The following ST6GAL2 variants were observed in gnomAD, a reference collection of about 807,000 sequenced individuals.
ST6GAL2 encodes beta-galactoside alpha-2,6-sialyltransferase 2.
A neutral mutation model predicts 37.5 loss-of-function variants in ST6GAL2; 24 were observed. The observed-to-expected ratio is 0.64, with a 90% CI of 0.46 to 0.90. ST6GAL2 has a LOEUF of 0.90. ST6GAL2 is among the 40% of genes least tolerant of loss of function. The probability of loss-of-function intolerance (pLI) is 0.00; values close to 1 mark genes in which losing one functional copy is unlikely to be tolerated. For missense variants in ST6GAL2, 715 were observed against 712.7 expected (o/e 1.00, Z -0.04); for synonymous variants, 306 against 295.1 (o/e 1.04, Z -0.38).
intron 1 of ST6GAL2, 134 bp downstream of exon 1, chr2:106,885,959 C>G (rs767474304): frequency 6.6e-6 from 1 of 152,504 alleles, no homozygotes; most frequent in Non-Finnish European, 1.5e-5. Context: ...CTGCTTTTCC[C>G]CAAACCACCT....
intron 1 of ST6GAL2, among the ~76,000 whole-genome samples, chr2:106,862,140 T>C (rs1430983648): frequency 6.6e-6 from 1 of 152,238 alleles, no homozygotes; most frequent in Non-Finnish European, 1.5e-5. Flanking sequence ...CGAGTGATCA[T>C]TCCGTATATG....
At chr2:106,810,012 A>T (rs1250526405) in intron 5 of ST6GAL2, among the ~76,000 whole-genome samples, 1 of 152,200 alleles carries the variant, frequency 6.6e-6, no homozygotes, top group East Asian at 1.9e-4. Flanking sequence ...ATAGGTAGCA[A>T]GACATTCTGC....
rs1381779667 is a variant in ST6GAL2 at position 106,826,495 on chromosome 2, G to A, written c.1318+3571C>T. On this transcript the variant is annotated intron_variant, in intron 5 of 5. Coordinates refer to ENST00000409382, the MANE Select transcript of ST6GAL2 (RefSeq NM_001142351.2). ...GCAGAGGTTGCAGTGAGCTGAGATC[G>A]TGCCACTGCACTCCAGCCTGAGTAA... Among the ~76,000 whole-genome samples the A allele has an allele frequency of 6.7e-5, 10 of 150,188 alleles. 1 individual carries two copies. Among genetic ancestry groups the A allele is most frequent in the African/African-American group, 2.2e-4 (9 of 40,636 alleles).
chr2:106,845,685 G>A (rs1175436893), intron 1 of ST6GAL2, among the ~76,000 whole-genome samples: 3 of 152,206 alleles, frequency 2.0e-5, no homozygotes, highest in Non-Finnish European at 4.4e-5. Context: ...GGGAAAGGAC[G>A]TGCTAAACTA....
At position 106,806,412 on chromosome 2, in the gene ST6GAL2, A is replaced by G. The variant is rs1675414836; in HGVS notation, c.*266T>C. 1 of 424,402 alleles carries G rather than the reference A, an allele frequency of 2.4e-6. No homozygotes were observed. The highest frequency in any genetic ancestry group is 4.2e-6 in the Non-Finnish European group (1 of 236,564). 26.3% of individuals were successfully genotyped at this position (424,402 alleles called of 1,614,324 possible). On this transcript the variant is annotated 3_prime_UTR_variant, in exon 6 of 6. Coordinates refer to ENST00000409382, the MANE Select transcript of ST6GAL2 (RefSeq NM_001142351.2). ...TTGTTAACATTTCTGGAGGTATCATACCCATGGTCATACATGTGTTTTCTT... is the reference window on the plus strand; with the variant it reads ...TTGTTAACATTTCTGGAGGTATCATGCCCATGGTCATACATGTGTTTTCTT...
intron 2 of ST6GAL2, among the ~76,000 whole-genome samples, chr2:106,835,688 A>G (rs975761847): frequency 9.9e-5 from 15 of 152,210 alleles, no homozygotes; most frequent in Non-Finnish European, 1.5e-5. Context: ...CATGCTGTCT[A>G]TAACTGCAGA....
At position 106,862,028 on chromosome 2, in the gene ST6GAL2, C is replaced by T. The variant is rs189434535; in HGVS notation, c.-57-17994G>A. ...TAAGGGTATCTGCAACTAATTTCCA[C>T]GCTGATTAAATGACAGTTTTGTATC... is the stretch of plus-strand genomic sequence containing the variant. On this transcript the variant is annotated intron_variant, in intron 1 of 5. Coordinates refer to ENST00000409382, the MANE Select transcript of ST6GAL2 (RefSeq NM_001142351.2). Among the ~76,000 whole-genome samples, 7 of 152,312 alleles carry T rather than the reference C, an allele frequency of 4.6e-5. No homozygotes were observed. The East Asian group carries it at 7.7e-4, about 17-fold the overall frequency.
At chr2:106,850,993 C>G (rs1005897473) in intron 1 of ST6GAL2, among the ~76,000 whole-genome samples, 1 of 152,150 alleles carries the variant, frequency 6.6e-6, no homozygotes, top group Non-Finnish European at 1.5e-5. Context: ...GCTTTGTCTA[C>G]GATGGTTTAA....
chr2:106,807,541 T>A (rs976638123), intron 5 of ST6GAL2, among the ~76,000 whole-genome samples: 5 of 152,184 alleles, frequency 3.3e-5, no homozygotes, highest in African/African-American at 4.8e-5. Flanking sequence ...AAATTATTTT[T>A]CTCACTGAAC....
chr2:106,835,708 T>C (rs1356494699), intron 2 of ST6GAL2, among the ~76,000 whole-genome samples: 1 of 152,208 alleles, frequency 6.6e-6, no homozygotes, highest in East Asian at 1.9e-4. Context: ...AGTTGAGTTG[T>C]TGAGACAGAG....
chr2:106,877,865 C>T (rs1460011622), intron 1 of ST6GAL2, among the ~76,000 whole-genome samples: 6 of 152,188 alleles, frequency 3.9e-5, no homozygotes, highest in Admixed American at 3.9e-4. Context: ...ATGGGTATGC[C>T]TTTCAGTTCA....
chr2:106,810,719 G>C (rs1675574730), intron 5 of ST6GAL2, among the ~76,000 whole-genome samples: 1 of 152,210 alleles, frequency 6.6e-6, no homozygotes, highest in African/African-American at 2.4e-5. Context: ...GGAGGTCAAG[G>C]CAGGTGGATC....
intron 1 of ST6GAL2, among the ~76,000 whole-genome samples, chr2:106,885,154 C>A (rs940961244): frequency 1.3e-5 from 2 of 151,634 alleles, no homozygotes; most frequent in East Asian, 3.9e-4. Context: ...GTGCTTCCAG[C>A]CCACCAAAGA....
chr2:106,879,783 G>A (rs11692417), intron 1 of ST6GAL2, among the ~76,000 whole-genome samples: 111,863 of 146,470 alleles, frequency 0.76, 43,262 homozygotes, highest in East Asian at 0.97. Context: ...ACTATTATAC[G>A]TATAGATCAA....
Position 106,802,297 on chromosome 2 carries a change from C to A in ST6GAL2, c.*4381G>T, listed in dbSNP as rs953024800. Reference sequence around the variant, plus strand: ...TCAGTCAAAAATATTGATGAAAAAGCAATATAAAACCAACCATGTGTGTAG... The same window carrying A: ...TCAGTCAAAAATATTGATGAAAAAGAAATATAAAACCAACCATGTGTGTAG... On this transcript the variant is annotated 3_prime_UTR_variant, in exon 6 of 6. Coordinates refer to ENST00000409382, the MANE Select transcript of ST6GAL2 (RefSeq NM_001142351.2). 5 of 151,930 alleles carry A rather than the reference C, an allele frequency of 3.3e-5. No homozygotes were observed. The highest frequency in any genetic ancestry group is 1.2e-4 in the African/African-American group (5 of 41,368). 9.4% of individuals were successfully genotyped at this position (151,930 alleles called of 1,614,324 possible).
chr2:106,834,378 G>A (rs965760029), intron 2 of ST6GAL2: 18 of 449,232 alleles, frequency 4.0e-5, no homozygotes, highest in African/African-American at 8.0e-5. Flanking sequence ...AATTATGGGC[G>A]AGACTGTATG....
chr2:106,854,966 AT>A (rs1025324811), intron 1 of ST6GAL2, among the ~76,000 whole-genome samples: 3 of 150,978 alleles, frequency 2.0e-5, no homozygotes, highest in African/African-American at 7.3e-5. Context: ...TGTCTCAGTC[AT>A]AAAAAGTAAC....
At chr2:106,853,147 C>T (rs1033739126) in intron 1 of ST6GAL2, among the ~76,000 whole-genome samples, 62 of 152,312 alleles carry the variant, frequency 4.1e-4, no homozygotes, top group South Asian at 1.2e-3. Context: ...TGTCTAATTT[C>T]ACTCCAGCTC....
chr2:106,822,563 C>A (rs1676044753), intron 5 of ST6GAL2, among the ~76,000 whole-genome samples: 1 of 152,042 alleles, frequency 6.6e-6, no homozygotes, highest in Non-Finnish European at 1.5e-5. Flanking sequence ...TTCAAATGTC[C>A]ATACTACTCA....
Sources: allele counts gnomAD v4.1 joint callset (sites outside exome capture counted in the v4.1 genomes callset), GRCh38; gene constraint gnomAD v4.1.1; transcripts MANE v1.5; gene names NCBI Gene and HGNC (gene_info 2026-07-23, HGNC 2026-07-21).